Variants in FLACC1 observed in about 807,000 individuals in gnomAD.
FLACC1 encodes the protein flagellum-associated coiled-coil domain-containing protein 1.
A neutral mutation model predicts 62.8 loss-of-function variants in FLACC1; 66 were observed. The ratio of observed to expected loss-of-function variants is 1.05; its 90% CI spans 0.86 to 1.29. The LOEUF (loss-of-function observed/expected upper bound fraction) is 1.29, where lower values mean the gene tolerates loss of function less well. Ranked by LOEUF, FLACC1 falls within the 50% of genes most tolerant of loss-of-function variation. FLACC1 has a pLI of 0.00. For missense variants in FLACC1, 452 were observed against 489.1 expected, an observed-to-expected ratio of 0.92 and a Z score of 0.71; for synonymous variants, 156 against 161.0, an observed-to-expected ratio of 0.97 and a Z score of 0.24.
chr2:201,323,740 T>C (rs1378431908), intron 9 of FLACC1, among the ~76,000 whole-genome samples: 7 of 133,140 alleles, frequency 5.3e-5, no homozygotes, highest in Non-Finnish European at 9.2e-5. Context: ...TGAGCCAAGA[T>C]TGCAACATTG....
At position 201,330,340 on chromosome 2, in the gene FLACC1, C is replaced by A. The variant is rs929313999; in HGVS notation, c.675+130G>T. ...ATCCTCCCCCTGGGTGCAGCTAGTG[C>A]CACTTAGGTCTAAGGATGCTGGGAA... On this transcript the variant is annotated intron_variant, in intron 9 of 14. Coordinates refer to ENST00000392257, the MANE Select transcript of FLACC1 (RefSeq NM_001127391.3). 7 of 853,028 alleles carry A rather than the reference C, an allele frequency of 8.2e-6. No homozygotes were observed. The African/African-American group carries it at 1.2e-4, about 15-fold the overall frequency. 52.8% of individuals were successfully genotyped at this position (853,028 alleles called of 1,614,324 possible).
At chr2:201,299,180 T>TA in intron 12 of FLACC1, 58 bp downstream of exon 12, 1 of 1,457,532 alleles carries the variant, frequency 6.9e-7, no homozygotes, top group Non-Finnish European at 9.5e-7. Flanking sequence ...GACAGCTTGT[T>TA]ATTTTATTGG....
At chr2:201,344,388 C>G in intron 5 of FLACC1, 125 bp from the exon 6 acceptor site, 2 of 691,096 alleles carry the variant, frequency 2.9e-6, no homozygotes, top group East Asian at 2.9e-5. Flanking sequence ...TGTTCTGCAC[C>G]TGCTCTATCA....
intron 7 of FLACC1, among the ~76,000 whole-genome samples, chr2:201,341,184 T>A (rs1950800329): frequency 6.6e-6 from 1 of 152,126 alleles, no homozygotes. Context: ...CTCTAACAGA[T>A]AAAGTCTATA....
At chr2:201,310,710 T>C (rs1467110687) in intron 9 of FLACC1, among the ~76,000 whole-genome samples, 1 of 152,134 alleles carries the variant, frequency 6.6e-6, no homozygotes, top group Non-Finnish European at 1.5e-5. Flanking sequence ...AATTTGGCCA[T>C]ATATATTAAA....
chr2:201,325,756 T>C (rs1950489597), intron 9 of FLACC1, among the ~76,000 whole-genome samples: 1 of 152,134 alleles, frequency 6.6e-6, no homozygotes. Flanking sequence ...CAATGAAGAA[T>C]TGGTACAATC....
At chr2:201,343,308 CT>C (rs1950847664) in intron 6 of FLACC1, among the ~76,000 whole-genome samples, 1 of 152,222 alleles carries the variant, frequency 6.6e-6, no homozygotes, top group Admixed American at 6.5e-5. Context: ...TGATCTACCA[CT>C]GTTCAGTTGA....
chr2:201,303,897 T>A (rs1220333558), intron 11 of FLACC1, among the ~76,000 whole-genome samples: 1 of 152,152 alleles, frequency 6.6e-6, no homozygotes, highest in Admixed American at 6.5e-5. Context: ...TGCTAAAAAC[T>A]CTCAATAAAT....
intron 12 of FLACC1, among the ~76,000 whole-genome samples, chr2:201,290,780 C>T (rs949627726): frequency 2.0e-5 from 3 of 152,126 alleles, no homozygotes; most frequent in South Asian, 2.1e-4. Flanking sequence ...CCTTTCCTAG[C>T]CAAGGAAAGG....
At chr2:201,359,958 A>T (rs1471587645), upstream of FLACC1, among the ~76,000 whole-genome samples, 1 of 150,806 alleles carries the variant, frequency 6.6e-6, no homozygotes, top group African/African-American at 2.4e-5. Context: ...AAAAAGCAGC[A>T]GGATTTGGGT....
At chr2:201,297,387 C>T (rs2125542830) in intron 12 of FLACC1, among the ~76,000 whole-genome samples, 1 of 152,116 alleles carries the variant, frequency 6.6e-6, no homozygotes, top group African/African-American at 2.4e-5. Flanking sequence ...CCTCAAAATA[C>T]TCCAGGACTT....
Position 201,307,583 on chromosome 2 carries a change from TCTC to T in FLACC1, c.812_814del (p.Gly271del), listed in dbSNP as rs1950132532. 6.2e-7 allele frequency: 1 copy of T among 1,614,208 alleles called. No homozygotes were observed. The highest frequency in any genetic ancestry group is 1.7e-5 in the Admixed American group (1 of 60,032). On this transcript the variant is annotated inframe_deletion, in exon 11 of 15. Transcript: ENST00000392257. ...GGATTCATTTATTTTCTTATCTTCT[TCTC>T]CTGACTCCATTTCGAATTTTTTGGT...
chr2:201,304,348 A>G (rs1950055455), intron 11 of FLACC1, among the ~76,000 whole-genome samples: 1 of 152,166 alleles, frequency 6.6e-6, no homozygotes, highest in South Asian at 2.1e-4. Flanking sequence ...CAAAGAGAAT[A>G]AAATACCTAG....
Position 201,350,737 on chromosome 2 carries a change from T to C in FLACC1, c.159A>G (p.Gln53=). The change falls in exon 3 of 15, where the codon CAA becomes CAG. Residue 53 remains glutamine, a synonymous_variant. Coordinates refer to ENST00000392257, the MANE Select transcript of FLACC1 (RefSeq NM_001127391.3). ...VPAPKNHNYL[Q]PTKPVVSPKM... is the part of the protein sequence containing the mutation. Reference sequence around the variant, plus strand: ...TTGGGGAAACAACAGGTTTTGTTGGTTGGAGGTAATTGTGATTTTTTGGAG... The same window carrying C: ...TTGGGGAAACAACAGGTTTTGTTGGCTGGAGGTAATTGTGATTTTTTGGAG... 1 of 1,612,182 alleles carries C rather than the reference T, an allele frequency of 6.2e-7. No homozygotes were observed. The highest frequency in any genetic ancestry group is 2.2e-5 in the East Asian group (1 of 44,826).
At chr2:201,314,591 T>C (rs1950276745) in intron 9 of FLACC1, among the ~76,000 whole-genome samples, 1 of 152,076 alleles carries the variant, frequency 6.6e-6, no homozygotes, top group Non-Finnish European at 1.5e-5. Flanking sequence ...AGAAGAGAAA[T>C]CTAAAAGTTT....
intron 12 of FLACC1, among the ~76,000 whole-genome samples, chr2:201,292,690 G>A (rs746938363): frequency 4.5e-4 from 69 of 152,270 alleles, no homozygotes; most frequent in Non-Finnish European, 6.9e-4. Flanking sequence ...AACCTTAAAT[G>A]TAAATGGGCT....
chr2:201,314,531 G>T (rs890031111), intron 9 of FLACC1, among the ~76,000 whole-genome samples: 4 of 152,168 alleles, frequency 2.6e-5, no homozygotes, highest in Non-Finnish European at 4.4e-5. Context: ...CCTCCAAGGA[G>T]TCTGGGATGT....
intron 7 of FLACC1, among the ~76,000 whole-genome samples, chr2:201,337,174 C>G (rs1950712993): frequency 6.6e-6 from 1 of 152,028 alleles, no homozygotes; most frequent in Admixed American, 6.6e-5. Context: ...GTTTTTGTTG[C>G]CTGTGCTTTC....
Position 201,330,721 on chromosome 2 carries a change from A to G in FLACC1, c.622+15T>C, listed in dbSNP as rs774857258. 1.2e-6 allele frequency: 2 copies of G among 1,612,340 alleles called. No individual in the cohort carries two copies. Among genetic ancestry groups the G allele is most frequent in the Non-Finnish European group, 1.7e-6 (2 of 1,178,940 alleles). On this transcript the variant is annotated intron_variant, in intron 8 of 14. Coordinates refer to ENST00000392257, the MANE Select transcript of FLACC1 (RefSeq NM_001127391.3). ...GACCTTCATCCAGGGTCATTCTCCCAGGTCCCAGCAGTACCTAGCTTCTCT... is the reference window on the plus strand; with the variant it reads ...GACCTTCATCCAGGGTCATTCTCCCGGGTCCCAGCAGTACCTAGCTTCTCT...
Sources: gnomAD v4.1 joint callset for allele counts (sites outside exome capture counted in the v4.1 genomes callset) on GRCh38, gnomAD v4.1.1 for gene constraint, MANE v1.5 for transcripts, NCBI Gene and HGNC (gene_info 2026-07-23, HGNC 2026-07-21) for gene names.